The following JCAD variants were observed in gnomAD, a reference collection of about 807,000 sequenced individuals.
The protein encoded by JCAD is junctional cadherin 5-associated protein.
JCAD carries 40 observed loss-of-function variants against 98.0 expected under a neutral mutation model. The ratio of observed to expected loss-of-function variants is 0.41; its 90% CI spans 0.32 to 0.53. The LOEUF is 0.53. JCAD is among the 20% of genes least tolerant of loss of function. The pLI is 0.31. For synonymous variants in JCAD, 691 were observed against 682.3 expected (o/e 1.01, Z -0.20); for missense variants, 1,705 against 1,738.1 (o/e 0.98, Z 0.34).
upstream of JCAD, among the ~76,000 whole-genome samples, chr10:30,064,437 T>G (rs2132664012): frequency 6.6e-6 from 1 of 152,322 alleles, no homozygotes; most frequent in Non-Finnish European, 1.5e-5. Context: ...CTTTTCTCTA[T>G]AAATGACCCA....
rs865997805 is a variant in JCAD at position 30,034,075 on chromosome 10, C to T, written c.282-4209G>A. Among the ~76,000 whole-genome samples, 14 of 151,418 alleles carry T rather than the reference C, an allele frequency of 9.2e-5. 1 individual carries two copies. In the East Asian group the frequency reaches 1.6e-3, roughly 17 times the overall value. ...CTGTCTCTACTAAAAATATAAAAAT[C>T]GGCCGGGTGTGGTGGCGGGCATCTG... On this transcript the variant is annotated intron_variant, in intron 2 of 3. Coordinates refer to ENST00000375377, the MANE Select transcript of JCAD (RefSeq NM_020848.4).
intron 1 of JCAD, among the ~76,000 whole-genome samples, chr10:30,056,853 C>T (rs1304622881): frequency 1.3e-5 from 2 of 152,040 alleles, no homozygotes; most frequent in African/African-American, 4.8e-5. Context: ...TTCTAAACAC[C>T]ATTTAGTGTT....
At chr10:30,096,284 C>T (rs569622136) in intron 1 of JCAD, among the ~76,000 whole-genome samples, 1 of 152,212 alleles carries the variant, frequency 6.6e-6, no homozygotes, top group Admixed American at 6.5e-5. Context: ...GCCTGGAGCT[C>T]AACTCCTGCT....
At position 30,028,258 on chromosome 10, in the gene JCAD, G is replaced by A. The variant is rs1313687417; in HGVS notation, c.1890C>T (p.Thr630=). 2.5e-5 allele frequency: 41 copies of A among 1,614,046 alleles called. No homozygotes were observed. Among genetic ancestry groups the A allele is most frequent in the Middle Eastern group, 1.6e-4 (1 of 6,084 alleles). Residue 630 remains threonine, a synonymous_variant, in exon 3 of 4, where the codon ACC becomes ACT. Coordinates refer to ENST00000375377, the MANE Select transcript of JCAD (RefSeq NM_020848.4). The part of the protein sequence containing the change: ...QEQSLLSMSS[T]DLELQALTGS... Reference sequence around the variant, plus strand: ...CTGTGAGGGCCTGCAGCTCCAGGTCGGTGGAAGACATGCTCAGCAGACTCT... The same window carrying A: ...CTGTGAGGGCCTGCAGCTCCAGGTCAGTGGAAGACATGCTCAGCAGACTCT...
chr10:30,104,296 T>C (rs1169523411), intron 1 of JCAD, among the ~76,000 whole-genome samples: 5 of 152,112 alleles, frequency 3.3e-5, no homozygotes, highest in Non-Finnish European at 7.3e-5. Context: ...GTAACTTTAT[T>C]AGAGCTGTGG....
intron 2 of JCAD, among the ~76,000 whole-genome samples, chr10:30,039,806 C>T (rs1326009926): frequency 1.3e-5 from 2 of 152,118 alleles, no homozygotes; most frequent in Admixed American, 6.5e-5. Flanking sequence ...GCCAACACCA[C>T]GGCTGTCCAG....
At chr10:30,030,895 G>A (rs1341184778) in intron 2 of JCAD, among the ~76,000 whole-genome samples, 1 of 150,870 alleles carries the variant, frequency 6.6e-6, no homozygotes, top group Non-Finnish European at 1.5e-5. Context: ...AGACGTGTGG[G>A]TGGTAAATGG....
chr10:30,029,448 T>C lies in JCAD; in HGVS notation c.700A>G (p.Arg234Gly). 1 of 1,614,168 alleles carries C rather than the reference T, an allele frequency of 6.2e-7. No homozygotes were observed. Among genetic ancestry groups the C allele is most frequent in the Non-Finnish European group, 8.5e-7 (1 of 1,180,014 alleles). Residue 234 changes from arginine to glycine, a missense_variant, in exon 3 of 4, where the codon AGA (arginine) becomes GGA (glycine). By Grantham distance (125) the Arg-to-Gly change is moderately radical. Around this residue, in one of 3 missense-constraint regions of JCAD, gnomAD observed 275 missense variants for 346.9 expected, o/e 0.79. Transcript: ENST00000375377. ...CTCAGGCTCTCGGGGGAAAGAACTC[T>C]AGGCAGTGAGCGAGACTTCCCTTTG... ...QNKGKSRSLP[R>G]VLSPESLSCT...
intron 3 of JCAD, among the ~76,000 whole-genome samples, chr10:30,022,949 G>GTTGC (rs1836697022): frequency 6.6e-6 from 1 of 152,072 alleles, no homozygotes; most frequent in African/African-American, 2.4e-5. Flanking sequence ...GCAACTTCCA[G>GTTGC]TCCTGCAAGC....
chr10:30,046,997 G>C (rs1837350308), intron 2 of JCAD, among the ~76,000 whole-genome samples: 1 of 152,122 alleles, frequency 6.6e-6, no homozygotes, highest in Admixed American at 6.5e-5. Flanking sequence ...TGAGGTGGGA[G>C]AATCACTTGA....
chr10:30,089,401 C>T (rs1838221941), intron 1 of JCAD, among the ~76,000 whole-genome samples: 1 of 152,144 alleles, frequency 6.6e-6, no homozygotes. Context: ...TCTCGCCCTG[C>T]TCAGTCTGGC....
Position 30,028,496 on chromosome 10 carries a change from G to A in JCAD, c.1652C>T (p.Thr551Ile), listed in dbSNP as rs1389624887. Residue 551 changes from threonine (T) to isoleucine (I), a missense_variant, in exon 3 of 4, where the codon ACC becomes ATC. Coordinates refer to ENST00000375377, the MANE Select transcript of JCAD (RefSeq NM_020848.4). ...VSSPYSQGES[T>I]CETQTKLKKF... ...TTTGAGCTTGGTTTGAGTTTCGCAG[G>A]TGCTCTCGCCCTGTGAGTAAGGGGA... 1.9e-6 allele frequency: 3 copies of A among 1,614,184 alleles called. No individual in the cohort carries two copies. The highest frequency in any genetic ancestry group is 8.5e-7 in the Non-Finnish European group (1 of 1,180,034).
At chr10:30,063,877 G>A (rs138168283), upstream of JCAD, among the ~76,000 whole-genome samples, 39 of 151,812 alleles carry the variant, frequency 2.6e-4, no homozygotes, top group African/African-American at 8.5e-4. Flanking sequence ...TCGTGATCTC[G>A]GCTTACTGCA....
At chr10:30,077,078 C>T (rs921099306) in intron 1 of JCAD, among the ~76,000 whole-genome samples, 1 of 152,076 alleles carries the variant, frequency 6.6e-6, no homozygotes, top group Non-Finnish European at 1.5e-5. Context: ...GCAGCCTGGG[C>T]GGGCCACTGA....
At chr10:30,079,289 G>T (rs1222387139) in intron 1 of JCAD, among the ~76,000 whole-genome samples, 2 of 147,802 alleles carry the variant, frequency 1.4e-5, no homozygotes, top group Non-Finnish European at 1.5e-5. Flanking sequence ...GGAGCTTGCA[G>T]TGAGCCCAGA....
chr10:30,070,732 G>A (rs148484419), intron 1 of JCAD, among the ~76,000 whole-genome samples: 5 of 152,232 alleles, frequency 3.3e-5, no homozygotes, highest in African/African-American at 9.6e-5. Context: ...TGGAACAAAC[G>A]CTATTCAGAA....
At chr10:30,095,087 C>G (rs1308724570) in intron 1 of JCAD, among the ~76,000 whole-genome samples, 1 of 152,190 alleles carries the variant, frequency 6.6e-6, no homozygotes, top group East Asian at 1.9e-4. Context: ...TCATCCTTTT[C>G]CTTAGCATCC....
intron 1 of JCAD, among the ~76,000 whole-genome samples, chr10:30,093,637 T>C (rs1008051487): frequency 6.6e-6 from 1 of 152,210 alleles, no homozygotes; most frequent in African/African-American, 2.4e-5. Flanking sequence ...CATGTGGCTC[T>C]TTTTTATTAT....
In JCAD at chr10:30,028,663, G is replaced by A; in HGVS notation, c.1485C>T (p.Ser495=). ...GCTGGCCCCACAGCCACCGGGGGCT[G>A]GAATCGGCCAAGACCAGGCCTCTCT... is the stretch of plus-strand genomic sequence containing the variant. ...GDERGLVLAD[S]SPRWLWGQPP... The change falls in exon 3 of 4, where the codon TCC becomes TCT. Residue 495 remains serine, a synonymous_variant. Coordinates refer to ENST00000375377, the MANE Select transcript of JCAD (RefSeq NM_020848.4). The A allele has an allele frequency of 6.2e-7, 1 of 1,605,038 alleles. No individual in the cohort carries two copies.
Sources: gnomAD v4.1 joint callset for allele counts (sites outside exome capture counted in the v4.1 genomes callset) on GRCh38, gnomAD v4.1.1 for gene constraint, gnomAD v4.1.1 regional missense constraint, MANE v1.5 for transcripts, NCBI Gene and HGNC (gene_info 2026-07-23, HGNC 2026-07-21) for gene names.